Variants in GRIA4 observed in about 807,000 individuals in gnomAD.
GRIA4 encodes glutamate receptor 4.
GRIA4 carries 34 observed loss-of-function variants against 104.0 expected under a neutral mutation model. The observed-to-expected ratio is 0.33, with a 90% CI of 0.25 to 0.44. GRIA4 has a LOEUF of 0.44. Among genes scored for constraint, GRIA4 ranks in the 20% least tolerant of loss-of-function variants. The pLI is 1.00. For synonymous variants in GRIA4, 386 were observed against 381.9 expected, an observed-to-expected ratio of 1.01 and a Z score of -0.13; for missense variants, 750 against 1,096.5, an observed-to-expected ratio of 0.68 and a Z score of 4.46.
chr11:105,759,268 T>C (rs192229788), intron 4 of GRIA4, among the ~76,000 whole-genome samples: 73 of 152,300 alleles, frequency 4.8e-4, no homozygotes, highest in Admixed American at 9.2e-4. Flanking sequence ...GGTGTTTGGT[T>C]AATATTTTAT....
chr11:105,876,296 T>C (rs1216629641), intron 5 of GRIA4, among the ~76,000 whole-genome samples: 1 of 152,258 alleles, frequency 6.6e-6, no homozygotes, highest in East Asian at 1.9e-4. Flanking sequence ...TTATGATTTT[T>C]GTTCTTTTGC....
intron 4 of GRIA4, among the ~76,000 whole-genome samples, chr11:105,831,549 T>G (rs139517451): frequency 6.6e-6 from 1 of 152,124 alleles, no homozygotes; most frequent in African/African-American, 2.4e-5. Context: ...TTAAAATGAA[T>G]ACAAAAATCC....
chr11:105,682,975 C>G (rs957979885), intron 3 of GRIA4, among the ~76,000 whole-genome samples: 1 of 152,002 alleles, frequency 6.6e-6, no homozygotes, highest in South Asian at 2.1e-4. Flanking sequence ...ACATTCTACT[C>G]GAAGGGGAAA....
At chr11:105,733,501 G>A (rs925188362) in intron 3 of GRIA4, among the ~76,000 whole-genome samples, 21 of 152,178 alleles carry the variant, frequency 1.4e-4, no homozygotes, top group Non-Finnish European at 2.9e-5. Flanking sequence ...CTGTCACCCA[G>A]GCTGGAGTGC....
intron 4 of GRIA4, among the ~76,000 whole-genome samples, chr11:105,756,174 T>G (rs1289544790): frequency 6.6e-6 from 1 of 152,174 alleles, no homozygotes; most frequent in Non-Finnish European, 1.5e-5. Context: ...AAAGCAGATA[T>G]CTCCAAGGAA....
In GRIA4 at chr11:105,753,161, T is replaced by C. The variant is rs776430733; in HGVS notation, c.428T>C (p.Leu143Ser). 6.2e-7 allele frequency: 1 copy of C among 1,612,470 alleles called. No individual in the cohort carries two copies. Among genetic ancestry groups the C allele is most frequent in the South Asian group, 1.1e-5 (1 of 91,046 alleles). The change falls in exon 4 of 17, where the codon TTG becomes TCG. Residue 143 changes from leucine (L) to serine (S), a missense_variant. Coordinates refer to ENST00000282499, the MANE Select transcript of GRIA4 (RefSeq NM_000829.4). ...AGACCTTCGTTACGAGGAGCACTCTTGAGTTTGCTGGATCACTACGAATGG... is the reference window on the plus strand; with the variant it reads ...AGACCTTCGTTACGAGGAGCACTCTCGAGTTTGCTGGATCACTACGAATGG... Reference protein sequence around the residue: ...QLRPSLRGALLSLLDHYEWNC... With the variant: ...QLRPSLRGALSSLLDHYEWNC...
chr11:105,942,975 T>C (rs529648325), intron 14 of GRIA4, among the ~76,000 whole-genome samples: 1 of 152,262 alleles, frequency 6.6e-6, no homozygotes, highest in Admixed American at 6.5e-5. Flanking sequence ...AACAGTGATG[T>C]TGACATCTCT....
intron 4 of GRIA4, among the ~76,000 whole-genome samples, chr11:105,761,802 G>A (rs1165750871): frequency 6.6e-6 from 1 of 152,140 alleles, no homozygotes; most frequent in Non-Finnish European, 1.5e-5. Flanking sequence ...ACAGGCAGTG[G>A]GTCAGATTTT....
intron 3 of GRIA4, among the ~76,000 whole-genome samples, chr11:105,631,249 C>T (rs111760905): frequency 0.013 from 1,925 of 152,142 alleles, 55 homozygotes; most frequent in African/African-American, 0.043. Context: ...CAGCCAGCCC[C>T]GCTGGGGCTA....
intron 3 of GRIA4, among the ~76,000 whole-genome samples, chr11:105,656,818 A>G (rs1951859451): frequency 6.6e-6 from 1 of 152,084 alleles, no homozygotes; most frequent in Non-Finnish European, 1.5e-5. Context: ...TCATAATTTT[A>G]ATAGGAATAA....
chr11:105,831,336 T>C (rs540264881), intron 4 of GRIA4, among the ~76,000 whole-genome samples: 2 of 152,124 alleles, frequency 1.3e-5, no homozygotes, highest in South Asian at 2.1e-4. Context: ...AAATCTTCAA[T>C]TGCATCTCTC....
chr11:105,751,061 G>T (rs1472872043), intron 3 of GRIA4, among the ~76,000 whole-genome samples: 2 of 152,082 alleles, frequency 1.3e-5, no homozygotes, highest in East Asian at 3.8e-4. Flanking sequence ...AATCCTGTTT[G>T]TTTACATTTT....
intron 4 of GRIA4, among the ~76,000 whole-genome samples, chr11:105,803,114 G>A (rs1054412127): frequency 2.6e-5 from 4 of 151,888 alleles, no homozygotes; most frequent in African/African-American, 4.8e-5. Flanking sequence ...TAATATCTCC[G>A]TGTTAAAATG....
At chr11:105,717,573 G>A (rs550474821) in intron 3 of GRIA4, among the ~76,000 whole-genome samples, 52 of 151,918 alleles carry the variant, frequency 3.4e-4, no homozygotes, top group Non-Finnish European at 6.2e-4. Flanking sequence ...TTCCAGGGGA[G>A]AGAAGTACAA....
chr11:105,873,077 C>T (rs531047031), intron 5 of GRIA4, among the ~76,000 whole-genome samples: 23 of 152,146 alleles, frequency 1.5e-4, no homozygotes, highest in Non-Finnish European at 2.8e-4. Context: ...CTCCACTAGC[C>T]CCCCACTCCC....
At chr11:105,694,656 T>G in intron 3 of GRIA4, among the ~76,000 whole-genome samples, 1 of 152,236 alleles carries the variant, frequency 6.6e-6, no homozygotes, top group Non-Finnish European at 1.5e-5. Context: ...TTCATCTATA[T>G]TTAAAGTTCC....
At position 105,924,512 on chromosome 11, in the gene GRIA4, G is replaced by A; in HGVS notation, c.1590G>A (p.Gln530=). 10 of 1,613,344 alleles carry A rather than the reference G, an allele frequency of 6.2e-6. No individual in the cohort carries two copies. Among genetic ancestry groups the A allele is most frequent in the Non-Finnish European group, 8.5e-6 (10 of 1,179,476 alleles). The part of the protein sequence containing the change: ...LGISIMIKKP[Q]KSKPGVFSFL... ...TATCTATCATGATCAAAAAGCCTCA[G>A]AAATCCAAACCAGGAGTGTTTTCCT... Residue 530 remains glutamine (Q), a synonymous_variant, in exon 12 of 17, where the codon CAG becomes CAA. Transcript: ENST00000282499.
intron 3 of GRIA4, among the ~76,000 whole-genome samples, chr11:105,712,798 C>T (rs1042336314): frequency 1.3e-5 from 2 of 151,358 alleles, no homozygotes; most frequent in Non-Finnish European, 2.9e-5. Flanking sequence ...TACATTTGGC[C>T]TTAGGCCATT....
chr11:105,910,558 C>G lies in GRIA4; in HGVS notation c.1269+13C>G. 7.6e-7 allele frequency: 1 copy of G among 1,322,260 alleles called. No homozygotes were observed. The highest frequency in any genetic ancestry group is 1.1e-6 in the Non-Finnish European group (1 of 913,728). 81.9% of individuals were successfully genotyped at this position (1,322,260 alleles called of 1,614,324 possible). A position where few individuals can be genotyped will look rare whatever the true frequency, so the allele number is the denominator to read the frequency against. ...AACCACAATTATGGTAAGTGTTGGTCTATGCTTTATGGTGTTCCGTTTTGT... is the reference window on the plus strand; with the variant it reads ...AACCACAATTATGGTAAGTGTTGGTGTATGCTTTATGGTGTTCCGTTTTGT... On this transcript the variant is annotated intron_variant, in intron 10 of 16. Transcript: ENST00000282499.
Sources: gnomAD v4.1 joint callset for allele counts (sites outside exome capture counted in the v4.1 genomes callset) on GRCh38, gnomAD v4.1.1 for gene constraint, MANE v1.5 for transcripts, NCBI Gene and HGNC (gene_info 2026-07-23, HGNC 2026-07-21) for gene names.